ZNF254: variants seen among roughly 807,000 people sequenced by gnomAD.
ZNF254 encodes zinc finger protein 254.
Under a neutral mutation model 12.4 loss-of-function variants are expected in ZNF254, and 10 were observed. The ratio of observed to expected loss-of-function variants is 0.80; its 90% CI spans 0.50 to 1.36. The LOEUF is 1.36. Ranked by LOEUF, ZNF254 falls within the 40% of genes most tolerant of loss-of-function variation. ZNF254 has a pLI of 0.00. For synonymous variants in ZNF254, 305 were observed against 253.4 expected (o/e 1.20, Z -1.93); for missense variants, 996 against 763.9 (o/e 1.30, Z -3.58).
upstream of ZNF254, among the ~76,000 whole-genome samples, chr19:24,085,408 GTA>G (rs377541868): frequency 1.1e-3 from 37 of 32,708 alleles, 5 homozygotes; most frequent in Admixed American, 7.9e-3. Flanking sequence ...TTTGTTAAGG[GTA>G]TATATATATA....
chr19:24,082,758 TC>T (rs1568444313), upstream of ZNF254, among the ~76,000 whole-genome samples: 144 of 151,528 alleles, frequency 9.5e-4, 1 homozygote, highest in African/African-American at 3.4e-3. Context: ...TCTCAGAACC[TC>T]CTGAGAGCTG....
chr19:24,038,441 C>T (rs1970043771), intron 1 of ZNF254, among the ~76,000 whole-genome samples: 1 of 152,178 alleles, frequency 6.6e-6, no homozygotes, highest in African/African-American at 2.4e-5. Flanking sequence ...AGTGTCTTTG[C>T]AATCTCTTAG....
intron 1 of ZNF254, among the ~76,000 whole-genome samples, chr19:24,041,868 G>C (rs1199309477): frequency 1.3e-5 from 2 of 152,208 alleles, no homozygotes; most frequent in African/African-American, 4.8e-5. Flanking sequence ...CAAGGTTTGT[G>C]AGTGCACCAA....
intron 3 of ZNF254, among the ~76,000 whole-genome samples, chr19:24,115,729 C>A (rs1011132437): frequency 9.9e-5 from 15 of 151,824 alleles, no homozygotes; most frequent in Admixed American, 7.2e-4. Context: ...TGAATTTGAT[C>A]CTGTCGTTAG....
intron 2 of ZNF254, among the ~76,000 whole-genome samples, chr19:24,060,455 C>T (rs913258088): frequency 1.3e-5 from 2 of 152,144 alleles, no homozygotes; most frequent in East Asian, 3.9e-4. Flanking sequence ...AATTTGTCTC[C>T]TGCCTAAACC....
Position 24,087,187 on chromosome 19 carries a change from G to C in ZNF254, c.-121G>C. On this transcript the variant is annotated 5_prime_UTR_variant, in exon 1 of 4. Transcript: ENST00000357002. ...AAAGCGGCTTCCGGGATATGGCGGG[G>C]CCTTTGTCTCTCGCTGTCGCCGGAG... 7.6e-7 allele frequency: 1 copy of C among 1,314,576 alleles called. No homozygotes were observed. The allele number at this position is 1,314,576 out of a possible 1,614,324, so 81.4% of individuals were successfully genotyped here. A position where few individuals can be genotyped will look rare whatever the true frequency, so the allele number is the denominator to read the frequency against.
chr19:24,085,368 T>A (rs1971987125), upstream of ZNF254, among the ~76,000 whole-genome samples: 1 of 126,092 alleles, frequency 7.9e-6, no homozygotes, highest in Admixed American at 8.8e-5. Context: ...CAGTTCAAAA[T>A]TACTTCCTAG....
intron 3 of ZNF254, among the ~76,000 whole-genome samples, chr19:24,113,791 G>A (rs1973858037): frequency 6.6e-6 from 1 of 152,114 alleles, no homozygotes; most frequent in African/African-American, 2.4e-5. Flanking sequence ...AAACCCCATT[G>A]TCTCAACCCA....
chr19:24,115,553 T>A (rs1039182008), intron 3 of ZNF254, among the ~76,000 whole-genome samples: 15 of 151,222 alleles, frequency 9.9e-5, no homozygotes, highest in Admixed American at 9.9e-4. Context: ...AGGGATAGCA[T>A]TGGGAGATAT....
intron 2 of ZNF254, among the ~76,000 whole-genome samples, chr19:24,072,040 C>T: frequency 6.6e-6 from 1 of 152,046 alleles, no homozygotes; most frequent in Non-Finnish European, 1.5e-5. Context: ...GAAATTATGA[C>T]ATAATCATTT....
intron 1 of ZNF254, among the ~76,000 whole-genome samples, chr19:24,092,570 G>C (rs1972457279): frequency 6.6e-6 from 1 of 151,952 alleles, no homozygotes. Flanking sequence ...TTTTAGAGAT[G>C]GGATTTTTCC....
chr19:24,067,117 T>C (rs1971303884), intron 2 of ZNF254, among the ~76,000 whole-genome samples: 1 of 152,060 alleles, frequency 6.6e-6, no homozygotes, highest in African/African-American at 2.4e-5. Flanking sequence ...ATATTTTTTT[T>C]CTTGGACCTG....
rs1025566431 is a variant in ZNF254 at position 24,087,248 on chromosome 19, T to C, written c.-60T>C. ...GTCTTCACTGCTCTGTGTCCTCTGC[T>C]CCTAGAGGCCCAGCCTCTGTGGCGC... On this transcript the variant is annotated 5_prime_UTR_variant, in exon 1 of 4. Transcript: ENST00000357002. The C allele has an allele frequency of 1.2e-6, 2 of 1,607,674 alleles. No individual in the cohort carries two copies. Among genetic ancestry groups the C allele is most frequent in the Non-Finnish European group, 1.7e-6 (2 of 1,175,198 alleles).
rs778163192 is a variant in ZNF254 at position 24,126,813 on chromosome 19, T to C, written c.813T>C (p.Cys271=). ...AGAAACTCTACAAATGTGAAGAATGTGGTGAAGCTTTTAATCGATCCTCAA... is the reference window on the plus strand; with the variant it reads ...AGAAACTCTACAAATGTGAAGAATGCGGTGAAGCTTTTAATCGATCCTCAA... The part of the protein sequence containing the change: ...AGEKLYKCEE[C]GEAFNRSSNL... The change falls in exon 4 of 4, where the codon TGT becomes TGC. Residue 271 remains cysteine (C), a synonymous_variant. Transcript: ENST00000357002. 10 of 1,610,616 alleles carry C rather than the reference T, an allele frequency of 6.2e-6. No homozygotes were observed. The highest frequency in any genetic ancestry group is 7.6e-6 in the Non-Finnish European group (9 of 1,179,420).
intron 1 of ZNF254, among the ~76,000 whole-genome samples, chr19:24,040,213 C>G (rs920852071): frequency 1.1e-4 from 16 of 152,244 alleles, no homozygotes; most frequent in South Asian, 6.2e-4. Flanking sequence ...TACAGGAGAT[C>G]AGACTCCTGT....
intron 1 of ZNF254, among the ~76,000 whole-genome samples, chr19:24,045,734 C>CG (rs1970359761): frequency 6.6e-6 from 1 of 151,568 alleles, no homozygotes; most frequent in African/African-American, 2.4e-5. Context: ...TGAGCGCTAG[C>CG]CATCTCTCGG....
chr19:24,115,796 G>A (rs1027602545), intron 3 of ZNF254, among the ~76,000 whole-genome samples: 23 of 152,120 alleles, frequency 1.5e-4, no homozygotes, highest in African/African-American at 5.6e-4. Flanking sequence ...AGCCTCGACG[G>A]TTTCTACAAT....
intron 1 of ZNF254, among the ~76,000 whole-genome samples, chr19:24,097,477 A>G (rs1045660157): frequency 2.6e-5 from 4 of 152,140 alleles, no homozygotes; most frequent in Non-Finnish European, 5.9e-5. Context: ...TTATACTACA[A>G]AAACAAAAAG....
chr19:24,106,876 G>T (rs915627791), intron 3 of ZNF254: 2 of 436,334 alleles, frequency 4.6e-6, no homozygotes, highest in Non-Finnish European at 8.1e-6. Flanking sequence ...AGTGACAGCC[G>T]AAGTACTGTT....
Sources: allele counts gnomAD v4.1 joint callset (sites outside exome capture counted in the v4.1 genomes callset), GRCh38; gene constraint gnomAD v4.1.1; transcripts MANE v1.5; gene names NCBI Gene and HGNC (gene_info 2026-07-23, HGNC 2026-07-21).